PRDM16: variants seen among roughly 807,000 people sequenced by gnomAD.
The protein encoded by PRDM16 is histone-lysine N-methyltransferase PRDM16.
In PRDM16, 23 loss-of-function variants were observed where a neutral mutation model predicts 110.6. That is an observed-to-expected ratio of 0.21 (90% confidence interval 0.15 to 0.29). PRDM16 has a LOEUF of 0.29. Ranked by LOEUF, PRDM16 falls within the 10% of genes least tolerant of loss-of-function variation. PRDM16 has a pLI of 1.00. For missense variants in PRDM16, 1,615 were observed against 1,794.3 expected (o/e 0.90, Z 1.81); for synonymous variants, 799 against 781.8 (o/e 1.02, Z -0.37).
intron 2 of PRDM16, among the ~76,000 whole-genome samples, chr1:3,191,170 G>C (rs1011965945): frequency 6.6e-6 from 1 of 152,236 alleles, no homozygotes; most frequent in Admixed American, 6.5e-5. Flanking sequence ...CTGCTGAAGA[G>C]GCCAGGTGAA....
chr1:3,130,014 G>T lies in PRDM16; in HGVS notation c.38-56111G>T, dbSNP rs150907899. ...CAGCTGGGCTGGGAGGGCAGTGCAG[G>T]CGGCTTGTTCTGGGACAGTGAGGCC... On this transcript the variant is annotated intron_variant, in intron 1 of 16. Coordinates refer to ENST00000270722, the MANE Select transcript of PRDM16 (RefSeq NM_022114.4). Among the ~76,000 whole-genome samples the T allele has an allele frequency of 4.5e-3, 683 of 152,354 alleles. 10 individuals carry two copies. The highest frequency in any genetic ancestry group is 0.016 in the African/African-American group (646 of 41,576).
chr1:3,291,991 A>C (rs12405692), intron 3 of PRDM16, among the ~76,000 whole-genome samples: 1 of 152,104 alleles, frequency 6.6e-6, no homozygotes, highest in Non-Finnish European at 1.5e-5. Flanking sequence ...GGTGCCTGGC[A>C]CCCTCAAGAT....
intron 3 of PRDM16, among the ~76,000 whole-genome samples, chr1:3,357,167 AAGCCTCAGCAGCCAGTC>A (rs1642621233): frequency 1.3e-5 from 2 of 151,960 alleles, no homozygotes; most frequent in African/African-American, 4.8e-5. Flanking sequence ...GGGCCCTGGG[AAGCCTCAGCAGCCAGTC>A]CACCTGCGGG....
intron 3 of PRDM16, among the ~76,000 whole-genome samples, chr1:3,312,124 C>CTTGTGAAATGA (rs1641476213): frequency 6.6e-6 from 1 of 152,200 alleles, no homozygotes; most frequent in Non-Finnish European, 1.5e-5. Flanking sequence ...GACTCCCCCA[C>CTTGTGAAATGA]CTTCCCACGT....
chr1:3,337,878 C>T (rs1642193486), intron 3 of PRDM16, among the ~76,000 whole-genome samples: 1 of 151,982 alleles, frequency 6.6e-6, no homozygotes, highest in Admixed American at 6.5e-5. Flanking sequence ...ACGCACAGGC[C>T]CACATGCACG....
chr1:3,316,792 G>A (rs1423620782), intron 3 of PRDM16, among the ~76,000 whole-genome samples: 3 of 151,270 alleles, frequency 2.0e-5, no homozygotes, highest in Non-Finnish European at 4.4e-5. Context: ...TTGACATGGT[G>A]TAACCAGGAA....
chr1:3,268,309 A>G (rs1640345677), intron 3 of PRDM16, among the ~76,000 whole-genome samples: 1 of 152,254 alleles, frequency 6.6e-6, no homozygotes, highest in African/African-American at 2.4e-5. Flanking sequence ...CAATTAGGAT[A>G]ATTAAAAAAG....
intron 8 of PRDM16, 42 bp downstream of exon 8, chr1:3,405,690 C>G (rs1392083109): frequency 6.6e-7 from 1 of 1,512,284 alleles, no homozygotes; most frequent in Middle Eastern, 1.8e-4. Flanking sequence ...TCCGGGTGCG[C>G]GGATGCCGTG....
intron 3 of PRDM16, among the ~76,000 whole-genome samples, chr1:3,323,627 A>G (rs1479981046): frequency 6.6e-6 from 1 of 152,174 alleles, no homozygotes; most frequent in Admixed American, 6.5e-5. Flanking sequence ...CCGCCTGGAA[A>G]CCCACGTGTG....
intron 2 of PRDM16, chr1:3,207,735 A>G (rs1638786608): frequency 6.6e-6 from 1 of 152,230 alleles, no homozygotes; most frequent in African/African-American, 2.4e-5. Context: ...CTCCTCTTCC[A>G]TCCCCCTCTC....
chr1:3,106,558 G>A (rs1358520589), intron 1 of PRDM16, among the ~76,000 whole-genome samples: 1 of 152,240 alleles, frequency 6.6e-6, no homozygotes, highest in African/African-American at 2.4e-5. Flanking sequence ...ACAGGGCAAA[G>A]GCTGGACAAG....
intron 3 of PRDM16, among the ~76,000 whole-genome samples, chr1:3,357,777 G>A (rs1231426860): frequency 6.6e-6 from 1 of 152,220 alleles, no homozygotes; most frequent in Non-Finnish European, 1.5e-5. Flanking sequence ...ACCTGGAGAT[G>A]GTTGTGGTTG....
At chr1:3,405,044 T>C (rs1004541851) in intron 7 of PRDM16, among the ~76,000 whole-genome samples, 158 bp downstream of exon 7, 4 of 151,796 alleles carry the variant, frequency 2.6e-5, no homozygotes, top group African/African-American at 9.7e-5. Flanking sequence ...TCCGTGTGAC[T>C]AGGAAGGAAA....
intron 3 of PRDM16, among the ~76,000 whole-genome samples, chr1:3,266,474 G>A (rs1640296011): frequency 6.6e-6 from 1 of 152,168 alleles, no homozygotes; most frequent in Non-Finnish European, 1.5e-5. Flanking sequence ...GGACCGAGCG[G>A]TTCGCATTTG....
At chr1:3,314,595 C>G (rs142596369) in intron 3 of PRDM16, among the ~76,000 whole-genome samples, 1,672 of 152,066 alleles carry the variant, frequency 0.011, 33 homozygotes, top group African/African-American at 0.038. Context: ...TCTCTCCCCC[C>G]CTCCCTCCTT....
At chr1:3,125,777 C>T (rs1319194818) in intron 1 of PRDM16, among the ~76,000 whole-genome samples, 1 of 152,228 alleles carries the variant, frequency 6.6e-6, no homozygotes, top group Non-Finnish European at 1.5e-5. Flanking sequence ...TACGCCTGGC[C>T]CCTCGGAGCG....
rs760590718 is a variant in PRDM16 at position 3,385,250 on chromosome 1, T to C, written c.537T>C (p.Asp179=). The C allele has an allele frequency of 1.2e-6, 2 of 1,613,710 alleles. No homozygotes were observed. Among genetic ancestry groups the C allele is most frequent in the South Asian group, 1.1e-5 (1 of 91,086 alleles). The change falls in exon 4 of 17, where the codon GAT becomes GAC. Residue 179 remains aspartate (D), a synonymous_variant. Transcript: ENST00000270722. ...ACATCCGTGTGGCGTGCTCCTGCGA[T>C]GACCAGAACCTCACCATGTGTCAGA... ...LKYIRVACSC[D]DQNLTMCQIS...
intron 1 of PRDM16, among the ~76,000 whole-genome samples, chr1:3,147,126 G>T (rs1290788561): frequency 6.8e-6 from 1 of 148,104 alleles, no homozygotes; most frequent in Non-Finnish European, 1.5e-5. Flanking sequence ...TCGGTATGGA[G>T]TGTGTGTGTG....
At chr1:3,187,750 G>T (rs2100801001) in intron 2 of PRDM16, among the ~76,000 whole-genome samples, 1 of 152,300 alleles carries the variant, frequency 6.6e-6, no homozygotes, top group East Asian at 1.9e-4. Flanking sequence ...AGCTCACAGA[G>T]TCCTGTGTGG....
Sources: gnomAD v4.1 joint callset for allele counts (sites outside exome capture counted in the v4.1 genomes callset) on GRCh38, gnomAD v4.1.1 for gene constraint, MANE v1.5 for transcripts, NCBI Gene and HGNC (gene_info 2026-07-23, HGNC 2026-07-21) for gene names.